Variants in RUNDC3B observed in about 807,000 individuals in gnomAD.
The protein encoded by RUNDC3B is RUN domain containing 3B.
In RUNDC3B, 33 loss-of-function variants were observed where a neutral mutation model predicts 58.4. The ratio of observed to expected loss-of-function variants is 0.56; its 90% confidence interval spans 0.43 to 0.75. The LOEUF is 0.75. RUNDC3B is among the 30% of genes least tolerant of loss of function. RUNDC3B has a pLI of 0.00. For synonymous variants in RUNDC3B, 193 were observed against 195.2 expected (o/e 0.99, Z 0.10); for missense variants, 501 against 535.7 (o/e 0.94, Z 0.64).
intron 10 of RUNDC3B, among the ~76,000 whole-genome samples, chr7:87,823,013 A>T (rs1487123560): frequency 1.3e-5 from 2 of 152,270 alleles, no homozygotes; most frequent in East Asian, 3.9e-4. Context: ...CATTTTACAC[A>T]TGTACCCTAA....
chr7:87,739,291 T>C (rs572408615), intron 4 of RUNDC3B, among the ~76,000 whole-genome samples: 2 of 152,140 alleles, frequency 1.3e-5, no homozygotes, highest in East Asian at 3.9e-4. Flanking sequence ...AAGGTTACCA[T>C]AAATTACTAA....
chr7:87,804,893 C>T (rs888393045), intron 8 of RUNDC3B, among the ~76,000 whole-genome samples: 23 of 152,108 alleles, frequency 1.5e-4, no homozygotes, highest in Non-Finnish European at 1.9e-4. Flanking sequence ...CATTATTCTT[C>T]ATATTAACAT....
At chr7:87,784,857 C>A (rs953477198) in intron 8 of RUNDC3B, among the ~76,000 whole-genome samples, 16 of 151,974 alleles carry the variant, frequency 1.1e-4, no homozygotes, top group African/African-American at 3.9e-4. Context: ...GTTTCCTTAG[C>A]CCTAAGGGGG....
chr7:87,739,676 A>G (rs1832198753), intron 4 of RUNDC3B, 115 bp from the exon 5 acceptor site: 1 of 433,822 alleles, frequency 2.3e-6, no homozygotes, highest in African/African-American at 2.0e-5. Context: ...TTTTAAAAAT[A>G]CAAATTAAAT....
At chr7:87,715,244 A>G (rs1321981792) in intron 4 of RUNDC3B, among the ~76,000 whole-genome samples, 2 of 125,130 alleles carry the variant, frequency 1.6e-5, no homozygotes, top group Non-Finnish European at 3.2e-5. Context: ...CTTTATATAT[A>G]TAATTATATT....
chr7:87,748,587 G>A (rs146461427), intron 6 of RUNDC3B, among the ~76,000 whole-genome samples: 1 of 152,218 alleles, frequency 6.6e-6, no homozygotes, highest in African/African-American at 2.4e-5. Context: ...TATAAAATAT[G>A]TATATATGTC....
chr7:87,778,234 G>A (rs1267190335), intron 8 of RUNDC3B, among the ~76,000 whole-genome samples: 3 of 152,054 alleles, frequency 2.0e-5, no homozygotes, highest in Non-Finnish European at 4.4e-5. Context: ...TTGGGCCCAG[G>A]AGTTAGAGAC....
intron 3 of RUNDC3B, among the ~76,000 whole-genome samples, chr7:87,706,949 G>A (rs1218988690): frequency 6.6e-6 from 1 of 152,178 alleles, no homozygotes; most frequent in East Asian, 1.9e-4. Context: ...GAGTTCAAGG[G>A]CAAGCAAGGT....
At chr7:87,825,364 G>T (rs1005144254) in intron 10 of RUNDC3B, among the ~76,000 whole-genome samples, 2 of 152,206 alleles carry the variant, frequency 1.3e-5, no homozygotes, top group Non-Finnish European at 2.9e-5. Context: ...GCTTCCACGT[G>T]GTGTTGAGCC....
rs770572545 is a variant in RUNDC3B at position 87,830,010 on chromosome 7, C to G, written c.1351C>G (p.Pro451Ala). 2 of 1,597,102 alleles carry G rather than the reference C, an allele frequency of 1.3e-6. No individual in the cohort carries two copies. Among genetic ancestry groups the G allele is most frequent in the South Asian group, 2.3e-5 (2 of 87,578 alleles). The change falls in exon 11 of 11, where the codon CCA (proline) becomes GCA (alanine). Residue 451 changes from proline (P) to alanine (A), a missense_variant. Transcript: ENST00000394654. ...LASPTTEMTS[P>A]GLTPS is the part of the protein sequence containing the mutation. ...AAGTCCTACAACAGAGATGACAAGT[C>G]CAGGCCTAACTCCATCCTGAAAATT...
intron 7 of RUNDC3B, among the ~76,000 whole-genome samples, chr7:87,773,981 C>G (rs1240271153): frequency 1.3e-5 from 2 of 151,898 alleles, no homozygotes; most frequent in African/African-American, 4.8e-5. Context: ...CCCGGCCAAT[C>G]TTTTTATGGA....
At chr7:87,790,656 G>T (rs2130905684) in intron 8 of RUNDC3B, among the ~76,000 whole-genome samples, 1 of 152,076 alleles carries the variant, frequency 6.6e-6, no homozygotes, top group South Asian at 2.1e-4. Flanking sequence ...ATTAAAAAGA[G>T]TCAAACAGAA....
chr7:87,694,073 G>A, intron 2 of RUNDC3B: 3 of 1,510,806 alleles, frequency 2.0e-6, no homozygotes, highest in Non-Finnish European at 2.6e-6. Flanking sequence ...CATGGGTTTT[G>A]TAAAGCCTTC....
At chr7:87,668,141 T>C (rs928097547) in intron 2 of RUNDC3B, among the ~76,000 whole-genome samples, 1 of 151,826 alleles carries the variant, frequency 6.6e-6, no homozygotes, top group African/African-American at 2.4e-5. Flanking sequence ...TGGTAGGCTA[T>C]TTATTACTGA....
At chr7:87,704,187 C>T (rs1829391722) in intron 3 of RUNDC3B, among the ~76,000 whole-genome samples, 1 of 151,968 alleles carries the variant, frequency 6.6e-6, no homozygotes, top group South Asian at 2.1e-4. Context: ...TCGCAAAGTG[C>T]TGGGATTATA....
chr7:87,739,490 G>T (rs781218118), intron 4 of RUNDC3B, among the ~76,000 whole-genome samples: 1 of 151,946 alleles, frequency 6.6e-6, no homozygotes, highest in Non-Finnish European at 1.5e-5. Context: ...AAAAATGCTG[G>T]CACTCTAGAC....
At chr7:87,678,819 G>A (rs1826631532) in intron 2 of RUNDC3B, among the ~76,000 whole-genome samples, 3 of 152,134 alleles carry the variant, frequency 2.0e-5, no homozygotes, top group Admixed American at 6.5e-5. Context: ...AAAGAAAACT[G>A]ACAGGGATAA....
chr7:87,693,920 G>A, intron 2 of RUNDC3B: 1 of 1,609,340 alleles, frequency 6.2e-7, no homozygotes, highest in Non-Finnish European at 8.5e-7. Context: ...ATTTCCCAAA[G>A]TTGCAGATGG....
At chr7:87,764,886 A>G (rs968942267) in intron 6 of RUNDC3B, among the ~76,000 whole-genome samples, 3 of 151,886 alleles carry the variant, frequency 2.0e-5, no homozygotes, top group Middle Eastern at 3.2e-3. Flanking sequence ...TTTTTGATAC[A>G]ACGATTAATT....
Sources: allele counts gnomAD v4.1 joint callset (sites outside exome capture counted in the v4.1 genomes callset), GRCh38; gene constraint gnomAD v4.1.1; transcripts MANE v1.5; gene names NCBI Gene and HGNC (gene_info 2026-07-23, HGNC 2026-07-21).